Variants in LYST observed in about 807,000 individuals in gnomAD.
The protein encoded by LYST is lysosomal-trafficking regulator.
Under a neutral mutation model 413.6 loss-of-function variants are expected in LYST, and 192 were observed. The observed-to-expected ratio is 0.46, with a 90% CI of 0.41 to 0.52. The LOEUF is 0.52. Among genes scored for constraint, LYST ranks in the 20% least tolerant of loss-of-function variants. The pLI is 0.00. For synonymous variants in LYST, 1,525 were observed against 1,567.3 expected, an observed-to-expected ratio of 0.97 and a Z score of 0.64; for missense variants, 3,815 against 4,499.9, an observed-to-expected ratio of 0.85 and a Z score of 4.35.
At position 235,806,569 on chromosome 1, in the gene LYST, G is replaced by T; in HGVS notation, c.2567C>A (p.Thr856Asn). The change falls in exon 6 of 53, where the codon ACT becomes AAT. Residue 856 changes from threonine (T) to asparagine (N), a missense_variant. Thr to Asn is a moderately conservative substitution (Grantham distance 65, BLOSUM62 0). Coordinates refer to ENST00000389793, the MANE Select transcript of LYST (RefSeq NM_000081.4). ...QKELSSVHVGTSFHHQQAYSD... is the reference protein window; with the variant it reads ...QKELSSVHVGNSFHHQQAYSD... Reference sequence around the variant, plus strand: ...ATAAGCTTGCTGATGATGAAAAGAAGTACCCACATGTACAGAGGACAACTC... The same window carrying T: ...ATAAGCTTGCTGATGATGAAAAGAATTACCCACATGTACAGAGGACAACTC... The T allele has an allele frequency of 6.2e-7, 1 of 1,614,024 alleles. No individual in the cohort carries two copies. Among genetic ancestry groups the T allele is most frequent in the South Asian group, 1.1e-5 (1 of 91,084 alleles).
chr1:235,882,057 TAC>T (rs138273484), intron 1 of LYST, among the ~76,000 whole-genome samples: 21 of 141,790 alleles, frequency 1.5e-4, no homozygotes, highest in East Asian at 2.2e-4. Context: ...CACTCACACA[TAC>T]ACACACACAC....
chr1:235,779,577 A>G (rs945089694), intron 16 of LYST, among the ~76,000 whole-genome samples: 1 of 152,164 alleles, frequency 6.6e-6, no homozygotes, highest in Non-Finnish European at 1.5e-5. Context: ...CCAGCAATCT[A>G]TATTTTAACA....
chr1:235,806,820 AT>A, intron 5 of LYST, 48 bp from the exon 6 acceptor site: 2 of 1,185,534 alleles, frequency 1.7e-6, no homozygotes, highest in Non-Finnish European at 2.5e-6. Flanking sequence ...AAGAAACATC[AT>A]TTATAAATAG....
intron 32 of LYST, 51 bp downstream of exon 32, chr1:235,734,428 ATTCT>A: frequency 7.2e-7 from 1 of 1,380,462 alleles, no homozygotes; most frequent in Non-Finnish European, 1.0e-6. Context: ...AGTGTCAATC[ATTCT>A]TTATCTATGA....
intron 38 of LYST, among the ~76,000 whole-genome samples, chr1:235,727,366 C>T (rs150078571): frequency 1.1e-3 from 172 of 152,032 alleles, no homozygotes; most frequent in African/African-American, 3.7e-3. Flanking sequence ...TCAGGTGATC[C>T]ACTCACCTCA....
Position 235,752,013 on chromosome 1 carries a change from C to T in LYST, c.7619G>A (p.Arg2540Lys), listed in dbSNP as rs1666544547. Residue 2540 changes from arginine (R) to lysine (K), a missense_variant, in exon 27 of 53, where the codon AGG becomes AAG. Transcript: ENST00000389793. ...TAAAAATTAAATCTTACTTTGTGTC[C>T]TCTTGTTTTTGCTATTTTGAAGATA... Reference protein sequence around the residue: ...LGYLQNSKNKRTQNMAVALQL... With the variant: ...LGYLQNSKNKKTQNMAVALQL... 4 of 1,607,562 alleles carry T rather than the reference C, an allele frequency of 2.5e-6. No individual in the cohort carries two copies. The highest frequency in any genetic ancestry group is 3.4e-6 in the Non-Finnish European group (4 of 1,175,254).
chr1:235,868,568 A>C (rs910074932), upstream of LYST, among the ~76,000 whole-genome samples: 8 of 152,252 alleles, frequency 5.3e-5, no homozygotes, highest in African/African-American at 1.9e-4. Context: ...TGATTTCATT[A>C]AAGCAAAGAA....
In LYST at chr1:235,787,217, T is replaced by A; in HGVS notation, c.4845A>T (p.Ile1615=). 6.2e-7 allele frequency: 1 copy of A among 1,613,554 alleles called. No homozygotes were observed. Among genetic ancestry groups the A allele is most frequent in the Non-Finnish European group, 8.5e-7 (1 of 1,179,578 alleles). The change falls in exon 14 of 53, where the codon ATA becomes ATT. Residue 1615 remains isoleucine, a synonymous_variant. Transcript: ENST00000389793. The part of the protein sequence containing the change: ...GKRRIHGKIS[I]WVSGQRKPDV... ...CTTCCTACCTCTGTCCAGAGACCCA[T>A]ATGGAGATTTTCCCATGAATCCTCC...
At chr1:235,837,829 G>A (rs765507621) in intron 1 of LYST, among the ~76,000 whole-genome samples, 1 of 151,716 alleles carries the variant, frequency 6.6e-6, no homozygotes, top group Non-Finnish European at 1.5e-5. Flanking sequence ...GCAAGGGAAC[G>A]GGTGATGGCT....
At position 235,798,578 on chromosome 1, in the gene LYST, TAAAAAAAAAAAAAAA is replaced by T. The variant is rs71174462; in HGVS notation, c.4006+1727_4006+1741del. Among the ~76,000 whole-genome samples, 118 of 81,690 alleles carry T rather than the reference TAAAAAAAAAAAAAAA, an allele frequency of 1.4e-3. 5 individuals carry two copies. The highest frequency in any genetic ancestry group is 3.5e-3 in the African/African-American group (78 of 22,088). The allele number at this position is 81,690 out of a possible 152,430, so 53.6% of individuals were successfully genotyped here. On this transcript the variant is annotated intron_variant, in intron 10 of 52. Coordinates refer to ENST00000389793, the MANE Select transcript of LYST (RefSeq NM_000081.4). ...TGGCGACAAGGGCAAAACCCTGTCA[TAAAAAAAAAAAAAAA>T]AAAAAAAAAAAAAAAAAAAAAAACA... is the stretch of plus-strand genomic sequence containing the variant.
chr1:235,830,275 TGGACAAGGTACTGTCCAA>T lies in LYST; in HGVS notation c.125_142del (p.Leu42_Val47del). ...GGTAAGTAATAGAAATCCTCGACCA[TGGACAAGGTACTGTCCAA>T]GGGTTGCCATGTGCGTCTCCTCCTC... On this transcript the variant is annotated inframe_deletion, in exon 3 of 53. Coordinates refer to ENST00000389793, the MANE Select transcript of LYST (RefSeq NM_000081.4). 1.9e-6 allele frequency: 3 copies of T among 1,614,056 alleles called. No homozygotes were observed. Among genetic ancestry groups the T allele is most frequent in the Non-Finnish European group, 2.5e-6 (3 of 1,179,960 alleles).
intron 44 of LYST, among the ~76,000 whole-genome samples, chr1:235,703,746 G>A (rs1047977213): frequency 6.6e-6 from 1 of 152,112 alleles, no homozygotes; most frequent in African/African-American, 2.4e-5. Context: ...CAGCACCAGT[G>A]ATCAAATCCT....
At chr1:235,786,818 A>G (rs977576347) in intron 14 of LYST, among the ~76,000 whole-genome samples, 4 of 147,110 alleles carry the variant, frequency 2.7e-5, no homozygotes, top group African/African-American at 5.0e-5. Context: ...CAAACACCGC[A>G]TGTTCTCACT....
At chr1:235,697,031 C>A in intron 46 of LYST, 52 bp downstream of exon 46, 3 of 1,553,786 alleles carry the variant, frequency 1.9e-6, no homozygotes, top group East Asian at 2.3e-5. Context: ...TAGAAATACT[C>A]AAATCTCACG....
intron 46 of LYST, 132 bp downstream of exon 46, chr1:235,696,951 T>G: frequency 1.3e-6 from 1 of 791,022 alleles, no homozygotes; most frequent in Admixed American, 2.0e-5. Context: ...CATTCCTACT[T>G]TGCACTAAAT....
intron 50 of LYST, among the ~76,000 whole-genome samples, chr1:235,665,490 T>C (rs1287309250): frequency 6.6e-6 from 1 of 151,576 alleles, no homozygotes; most frequent in Non-Finnish European, 1.5e-5. Flanking sequence ...CGGGCGCCTG[T>C]AGTTCCAGCT....
At position 235,806,367 on chromosome 1, in the gene LYST, T is replaced by A; in HGVS notation, c.2769A>T (p.Ser923=). The change falls in exon 6 of 53, where the codon TCA becomes TCT. Residue 923 remains serine (S), a synonymous_variant. Coordinates refer to ENST00000389793, the MANE Select transcript of LYST (RefSeq NM_000081.4). ...AESDRESAND[S]EDTSGYDSTA... is the part of the protein sequence containing the mutation. ...TGCTGTCATAGCCAGAAGTATCTTCTGAGTCATTGGCCGACTCCCTGTCAG... is the reference window on the plus strand; with the variant it reads ...TGCTGTCATAGCCAGAAGTATCTTCAGAGTCATTGGCCGACTCCCTGTCAG... 6.2e-7 allele frequency: 1 copy of A among 1,614,054 alleles called. No individual in the cohort carries two copies. Among genetic ancestry groups the A allele is most frequent in the South Asian group, 1.1e-5 (1 of 91,070 alleles).
At chr1:235,743,376 A>G (rs1372769564) in intron 30 of LYST, among the ~76,000 whole-genome samples, 1 of 152,188 alleles carries the variant, frequency 6.6e-6, no homozygotes, top group Non-Finnish European at 1.5e-5. Flanking sequence ...GAGCTAAAAC[A>G]CCAAAATCTA....
At chr1:235,878,733 C>A (rs1484389649) in intron 1 of LYST, among the ~76,000 whole-genome samples, 2 of 152,154 alleles carry the variant, frequency 1.3e-5, no homozygotes, top group Non-Finnish European at 1.5e-5. Flanking sequence ...AATAGGAGAG[C>A]AAGGGTTTCC....
Sources: gnomAD v4.1 joint callset for allele counts (sites outside exome capture counted in the v4.1 genomes callset) on GRCh38, gnomAD v4.1.1 for gene constraint, MANE v1.5 for transcripts, NCBI Gene and HGNC (gene_info 2026-07-23, HGNC 2026-07-21) for gene names.